Variants in RPS6KA6 observed in about 807,000 individuals in gnomAD.
The protein encoded by RPS6KA6 is ribosomal protein S6 kinase alpha-6.
A neutral mutation model predicts 65.4 loss-of-function variants in RPS6KA6; 27 were observed. That is an observed-to-expected ratio of 0.41 (90% CI 0.30 to 0.57). The LOEUF is 0.57. Ranked by LOEUF, RPS6KA6 falls within the 20% of genes least tolerant of loss-of-function variation. RPS6KA6 has a pLI of 0.24. For missense variants in RPS6KA6, 486 were observed against 555.6 expected, an observed-to-expected ratio of 0.87 and a Z score of 1.26; for synonymous variants, 190 against 184.2, an observed-to-expected ratio of 1.03 and a Z score of -0.26.
At chrX:84,169,073 T>G (rs929067229) in intron 1 of RPS6KA6, among the ~76,000 whole-genome samples, 1 of 112,265 alleles carries the variant, frequency 8.9e-6, no homozygotes, top group African/African-American at 3.2e-5. Flanking sequence ...TTTGAAAAGA[T>G]AAGCAGACAT....
intron 1 of RPS6KA6, among the ~76,000 whole-genome samples, chrX:84,171,676 AATTTT>A (rs751706941): frequency 1.8e-5 from 2 of 111,469 alleles, no homozygotes; most frequent in Admixed American, 9.5e-5. Flanking sequence ...CTTTTTTTAA[AATTTT>A]ATTTTAAGTT....
At chrX:84,150,282 A>C (rs181594612) in intron 3 of RPS6KA6, among the ~76,000 whole-genome samples, 62 of 111,349 alleles carry the variant, frequency 5.6e-4, no homozygotes, top group Non-Finnish European at 7.5e-4. Context: ...AGGCTGTTTC[A>C]CTTTCTTCTT....
At chrX:84,158,546 AAT>A (rs2035453704) in intron 2 of RPS6KA6, among the ~76,000 whole-genome samples, 1 of 111,156 alleles carries the variant, frequency 9.0e-6, no homozygotes, top group Non-Finnish European at 1.9e-5. Flanking sequence ...AATATTTCTA[AAT>A]AAAATAAGCA....
intron 1 of RPS6KA6, among the ~76,000 whole-genome samples, chrX:84,180,574 T>C (rs1429206739): frequency 8.9e-6 from 1 of 111,992 alleles, no homozygotes; most frequent in Non-Finnish European, 1.9e-5. Context: ...TTCCTTATTT[T>C]ATTTTTCTTT....
At position 84,117,457 on chromosome X, in the gene RPS6KA6, A is replaced by AAAAC; in HGVS notation, c.790-7_790-4dup. The stretch of plus-strand genomic sequence containing the variant: ...AGAGTACCAGTAAGCATTTCAAACT[A>AAAAC]AAACAAACAAACAAAACACACCACA... On this transcript the variant is annotated splice_polypyrimidine_tract_variant and splice_region_variant and intron_variant, in intron 9 of 21. Transcript: ENST00000262752. The AAAAC allele has an allele frequency of 8.9e-7, 1 of 1,125,725 alleles. No homozygotes were observed. Among genetic ancestry groups the AAAAC allele is most frequent in the Non-Finnish European group, 1.2e-6 (1 of 835,658 alleles). 92.8% of individuals were successfully genotyped at this position (1,125,725 alleles called of 1,213,427 possible). A position where few individuals can be genotyped will look rare whatever the true frequency, so the allele number is the denominator to read the frequency against.
chrX:84,186,181 T>TA (rs1350558189), intron 1 of RPS6KA6: 13 of 476,345 alleles, frequency 2.7e-5, no homozygotes, highest in Non-Finnish European at 4.1e-5. Flanking sequence ...CTGCAAACAA[T>TA]AAAAAAACCA....
intron 20 of RPS6KA6, among the ~76,000 whole-genome samples, chrX:84,066,287 G>A (rs1264203895): frequency 2.8e-5 from 3 of 106,324 alleles, no homozygotes; most frequent in African/African-American, 1.0e-4. Flanking sequence ...AAGTGAGGCC[G>A]AAGCCAGGGA....
At chrX:84,125,417 T>C (rs1273804892) in intron 8 of RPS6KA6, among the ~76,000 whole-genome samples, 4 of 111,809 alleles carry the variant, frequency 3.6e-5, no homozygotes, top group African/African-American at 1.3e-4. Context: ...ATTCAAAGTG[T>C]AGTGTTTTTA....
In RPS6KA6 at chrX:84,058,964, T is replaced by A. The variant is rs202095570; in HGVS notation, c.*5313A>T. The A allele has an allele frequency of 5.1e-5, 4 of 79,059 alleles. No homozygotes were observed. The highest frequency in any genetic ancestry group is 9.2e-5 in the Non-Finnish European group (4 of 43,502). The allele number at this position is 79,059 out of a possible 1,213,427, so 6.5% of individuals were successfully genotyped here. On this transcript the variant is annotated 3_prime_UTR_variant, in exon 22 of 22. Coordinates refer to ENST00000262752, the MANE Select transcript of RPS6KA6 (RefSeq NM_014496.5). ...TCCCAACTACCAACAGTACTTCCTG[T>A]TTTTTTTTTTTTTTATCAAACAGAA...
intron 3 of RPS6KA6, among the ~76,000 whole-genome samples, chrX:84,150,223 G>T (rs2035275809): frequency 8.9e-6 from 1 of 111,737 alleles, no homozygotes; most frequent in African/African-American, 3.3e-5. Context: ...TGTTGTGGCT[G>T]CTTTGATCTT....
intron 1 of RPS6KA6, among the ~76,000 whole-genome samples, chrX:84,177,424 A>G (rs756008799): frequency 7.2e-5 from 8 of 111,770 alleles, no homozygotes; most frequent in Non-Finnish European, 1.5e-4. Flanking sequence ...CAAGTAAACT[A>G]CAGAGAAGTA....
At chrX:84,186,414 GCATTCC>G (rs1410709209) in intron 1 of RPS6KA6, among the ~76,000 whole-genome samples, 3 of 111,739 alleles carry the variant, frequency 2.7e-5, no homozygotes, top group African/African-American at 9.8e-5. Flanking sequence ...CAAACAGTTA[GCATTCC>G]CACATTTCAA....
In RPS6KA6 at chrX:84,063,282, C is replaced by G. The variant is rs992084205; in HGVS notation, c.*995G>C. 3 of 111,072 alleles carry G rather than the reference C, an allele frequency of 2.7e-5. No homozygotes were observed. The highest frequency in any genetic ancestry group is 3.8e-5 in the Non-Finnish European group (2 of 52,932). The allele number at this position is 111,072 out of a possible 1,213,427, so 9.2% of individuals were successfully genotyped here. A position where few individuals can be genotyped will look rare whatever the true frequency, so the allele number is the denominator to read the frequency against. ...GCACAAGTCCACTACAGCAAGATGT[C>G]AACTGTATTATCATAGGATTCAAGG... On this transcript the variant is annotated 3_prime_UTR_variant, in exon 22 of 22. Transcript: ENST00000262752.
At chrX:84,109,759 A>G (rs1465404181) in intron 12 of RPS6KA6, among the ~76,000 whole-genome samples, 1 of 110,541 alleles carries the variant, frequency 9.0e-6, no homozygotes, top group African/African-American at 3.3e-5. Flanking sequence ...TCCCTATCAT[A>G]GCCAGCAGCA....
chrX:84,147,972 G>C (rs1173334582), intron 4 of RPS6KA6, 70 bp downstream of exon 4: 5 of 621,750 alleles, frequency 8.0e-6, no homozygotes, highest in Non-Finnish European at 1.2e-5. Context: ...CCTTATGCAA[G>C]TAATACACAG....
At chrX:84,093,398 G>T (rs73515441) in intron 20 of RPS6KA6, among the ~76,000 whole-genome samples, 2,178 of 111,873 alleles carry the variant, frequency 0.019, 53 homozygotes, top group African/African-American at 0.067. Context: ...ACTGTTAAAA[G>T]GTACATGAGA....
At chrX:84,116,915 T>A in intron 11 of RPS6KA6, 145 bp downstream of exon 11, 1 of 392,305 alleles carries the variant, frequency 2.5e-6, no homozygotes, top group Non-Finnish European at 4.4e-6. Flanking sequence ...CATAACAGAG[T>A]TTACTTTGTC....
Position 84,061,724 on chromosome X carries a change from C to G in RPS6KA6, c.*2553G>C. The G allele has an allele frequency of 8.9e-6, 1 of 111,764 alleles. No individual in the cohort carries two copies. The highest frequency in any genetic ancestry group is 1.9e-5 in the Non-Finnish European group (1 of 53,051). 9.2% of individuals were successfully genotyped at this position (111,764 alleles called of 1,213,427 possible). ...CCCCAAACTGTGCTATCATTAAATA[C>G]TACCAAAAACCATTAACTAGAAAAA... On this transcript the variant is annotated 3_prime_UTR_variant, in exon 22 of 22. Transcript: ENST00000262752.
At chrX:84,151,248 G>GAT (rs1285057226) in intron 3 of RPS6KA6, among the ~76,000 whole-genome samples, 16 of 97,979 alleles carry the variant, frequency 1.6e-4, no homozygotes, top group South Asian at 4.4e-4. Context: ...GATATATATA[G>GAT]ATATATATAT....
Sources: allele counts gnomAD v4.1 joint callset (sites outside exome capture counted in the v4.1 genomes callset), GRCh38; gene constraint gnomAD v4.1.1; transcripts MANE v1.5; gene names NCBI Gene and HGNC (gene_info 2026-07-23, HGNC 2026-07-21).